The following CHRM3 variants were observed in gnomAD, a reference collection of about 807,000 sequenced individuals.
CHRM3 encodes cholinergic receptor muscarinic 3.
Under a neutral mutation model 41.8 loss-of-function variants are expected in CHRM3, and 11 were observed. The observed-to-expected ratio is 0.26, with a 90% CI of 0.17 to 0.44. The LOEUF is 0.44. Among genes scored for constraint, CHRM3 ranks in the 20% least tolerant of loss-of-function variants. The pLI is 1.00. For missense variants in CHRM3, 571 were observed against 745.4 expected (o/e 0.77, Z 2.72); for synonymous variants, 297 against 301.4 (o/e 0.99, Z 0.15).
intron 3 of CHRM3, among the ~76,000 whole-genome samples, chr1:239,598,594 A>G (rs1235553839): frequency 6.6e-6 from 1 of 152,138 alleles, no homozygotes. Context: ...ATGGTTTGAA[A>G]ACGAGTCCCA....
Position 239,386,983 on chromosome 1 carries a change from C to T in CHRM3, c.-765C>T, listed in dbSNP as rs987591460. The T allele has an allele frequency of 1.3e-5, 2 of 152,068 alleles. No homozygotes were observed. Among genetic ancestry groups the T allele is most frequent in the African/African-American group, 4.8e-5 (2 of 41,444 alleles). The allele number at this position is 152,068 out of a possible 1,614,324, so 9.4% of individuals were successfully genotyped here. On this transcript the variant is annotated 5_prime_UTR_variant, in exon 1 of 7. Coordinates refer to ENST00000676153, the MANE Select transcript of CHRM3 (RefSeq NM_001375978.1). ...CTCTCAGACCCCGGAGCGCACACCG[C>T]GGGGCCATCGGTGCCATCGCGGATC... is the stretch of plus-strand genomic sequence containing the variant.
At position 239,485,522 on chromosome 1, in the gene CHRM3, G is replaced by A. The variant is rs575395878; in HGVS notation, c.-520-7187G>A. 9.2e-5 allele frequency among the ~76,000 whole-genome samples: 14 copies of A among 152,140 alleles called. No homozygotes were observed. In the South Asian group the frequency reaches 1.9e-3, roughly 20 times the overall value. On this transcript the variant is annotated intron_variant, in intron 1 of 6. Coordinates refer to ENST00000676153, the MANE Select transcript of CHRM3 (RefSeq NM_001375978.1). ...TAGTCTTGAACTCCGGGCCTTAAGC[G>A]TTCCTCCTTGGCCTTTCAAAGTGGT...
intron 2 of CHRM3, among the ~76,000 whole-genome samples, chr1:239,507,687 A>G (rs1668666850): frequency 1.3e-5 from 2 of 152,180 alleles, no homozygotes; most frequent in South Asian, 2.1e-4. Flanking sequence ...GTTTATGTGA[A>G]TAGACTAAAA....
At chr1:239,861,163 G>A (rs540640181) in intron 6 of CHRM3, among the ~76,000 whole-genome samples, 3 of 152,168 alleles carry the variant, frequency 2.0e-5, no homozygotes, top group South Asian at 4.1e-4. Flanking sequence ...GGGATTTGAT[G>A]TTGTGCAAAA....
intron 5 of CHRM3, among the ~76,000 whole-genome samples, chr1:239,691,088 C>T (rs148536813): frequency 2.0e-5 from 3 of 152,084 alleles, no homozygotes; most frequent in East Asian, 3.9e-4. Context: ...TAATGGGAGG[C>T]GTCATGAGCT....
At chr1:239,775,295 C>T (rs1304572953) in intron 5 of CHRM3, among the ~76,000 whole-genome samples, 1 of 152,070 alleles carries the variant, frequency 6.6e-6, no homozygotes, top group African/African-American at 2.4e-5. Context: ...ATTTGGGAAA[C>T]TCAAAGTTCT....
Position 239,533,972 on chromosome 1 carries a change from CT to C in CHRM3, c.-421-11668del, listed in dbSNP as rs372272282. Reference sequence around the variant, plus strand: ...GTTGATTCTGAGGCTGGCTTAGCAGCTCTTGCTAGTTATGGGGAGGCTCTCT... The same window carrying C: ...GTTGATTCTGAGGCTGGCTTAGCAGCCTTGCTAGTTATGGGGAGGCTCTCT... On this transcript the variant is annotated intron_variant, in intron 2 of 6. Coordinates refer to ENST00000676153, the MANE Select transcript of CHRM3 (RefSeq NM_001375978.1). Among the ~76,000 whole-genome samples, 471 of 152,208 alleles carry C rather than the reference CT, an allele frequency of 3.1e-3. 6 individuals are homozygous for C. The highest frequency in any genetic ancestry group is 0.011 in the African/African-American group (457 of 41,544).
At chr1:239,871,902 A>T (rs1211768164) in intron 6 of CHRM3, among the ~76,000 whole-genome samples, 1 of 152,218 alleles carries the variant, frequency 6.6e-6, no homozygotes, top group Non-Finnish European at 1.5e-5. Context: ...AGAATGAAAA[A>T]AGTTCTTCCA....
intron 4 of CHRM3, among the ~76,000 whole-genome samples, chr1:239,676,542 A>T (rs1021335631): frequency 6.6e-6 from 1 of 152,230 alleles, no homozygotes; most frequent in African/African-American, 2.4e-5. Flanking sequence ...GTCAAGAAAT[A>T]GTGTATATCA....
chr1:239,911,479 C>T lies in CHRM3; in HGVS notation c.*2255C>T, dbSNP rs1036109986. 1 of 166,670 alleles carries T rather than the reference C, an allele frequency of 6.0e-6. No individual in the cohort carries two copies. The highest frequency in any genetic ancestry group is 1.5e-5 in the Non-Finnish European group (1 of 68,086). 10.3% of individuals were successfully genotyped at this position (166,670 alleles called of 1,614,324 possible). A position where few individuals can be genotyped will look rare whatever the true frequency, so the allele number is the denominator to read the frequency against. On this transcript the variant is annotated 3_prime_UTR_variant, in exon 7 of 7. Coordinates refer to ENST00000676153, the MANE Select transcript of CHRM3 (RefSeq NM_001375978.1). ...GAAAGCTTATTCAAGTGTCCCAGTA[C>T]TTCAGCACTTCCCATCCTTTTGGAA...
intron 1 of CHRM3, among the ~76,000 whole-genome samples, chr1:239,469,578 A>G (rs1053629114): frequency 2.0e-5 from 3 of 152,122 alleles, no homozygotes; most frequent in African/African-American, 4.8e-5. Context: ...TTTAATGAAG[A>G]TGGAGTCTCT....
At chr1:239,523,323 T>G (rs1255949262) in intron 2 of CHRM3, among the ~76,000 whole-genome samples, 1 of 152,172 alleles carries the variant, frequency 6.6e-6, no homozygotes. Context: ...TCTTGATACC[T>G]AGTATTTATA....
At chr1:239,588,015 C>G (rs553315953) in intron 3 of CHRM3, among the ~76,000 whole-genome samples, 86 of 152,212 alleles carry the variant, frequency 5.7e-4, no homozygotes, top group Middle Eastern at 3.4e-3. Context: ...TCGATCAGAC[C>G]AATAGATGAG....
intron 2 of CHRM3, 37 bp from the exon 3 acceptor site, chr1:239,545,604 T>A (rs1218423072): frequency 6.6e-6 from 1 of 152,170 alleles, no homozygotes; most frequent in Non-Finnish European, 1.5e-5. Flanking sequence ...AGATCATCCT[T>A]ACTGACCGAT....
intron 3 of CHRM3, among the ~76,000 whole-genome samples, chr1:239,613,682 C>T (rs1456280777): frequency 6.6e-6 from 1 of 152,150 alleles, no homozygotes; most frequent in East Asian, 1.9e-4. Context: ...GTGTACCTGT[C>T]TTTGTCTCTC....
intron 6 of CHRM3, among the ~76,000 whole-genome samples, chr1:239,840,207 A>G (rs1007708694): frequency 6.6e-6 from 1 of 152,156 alleles, no homozygotes; most frequent in East Asian, 1.9e-4. Context: ...TTAGAAACAT[A>G]TAAGTTTGCT....
At chr1:239,796,311 G>T (rs1237959646) in intron 5 of CHRM3, among the ~76,000 whole-genome samples, 1 of 151,950 alleles carries the variant, frequency 6.6e-6, no homozygotes, top group Non-Finnish European at 1.5e-5. Context: ...AGAGAAAAAA[G>T]AAGTGGAAAA....
intron 1 of CHRM3, among the ~76,000 whole-genome samples, chr1:239,429,403 A>G (rs1041232069): frequency 6.6e-6 from 1 of 152,204 alleles, no homozygotes; most frequent in East Asian, 1.9e-4. Context: ...GTGATAATAC[A>G]TGATTGTTAA....
intron 5 of CHRM3, among the ~76,000 whole-genome samples, chr1:239,813,858 A>C (rs868162585): frequency 1.5e-5 from 2 of 136,488 alleles, no homozygotes; most frequent in Non-Finnish European, 3.0e-5. Context: ...CGGAGCTTGC[A>C]GTGAGCCGAG....
Sources: allele counts gnomAD v4.1 joint callset (sites outside exome capture counted in the v4.1 genomes callset), GRCh38; gene constraint gnomAD v4.1.1; transcripts MANE v1.5; gene names NCBI Gene and HGNC (gene_info 2026-07-23, HGNC 2026-07-21).